Variants in GALNTL6 observed in about 807,000 individuals in gnomAD.
The protein encoded by GALNTL6 is polypeptide N-acetylgalactosaminyltransferase-like 6.
Under a neutral mutation model 73.7 loss-of-function variants are expected in GALNTL6, and 46 were observed. The observed-to-expected ratio is 0.62, with a 90% CI of 0.49 to 0.80. The LOEUF is 0.80. Among genes scored for constraint, GALNTL6 ranks in the 30% least tolerant of loss-of-function variants. The pLI, the probability that GALNTL6 is intolerant of heterozygous loss-of-function variation, is 0.00. For synonymous variants in GALNTL6, 259 were observed against 263.7 expected (o/e 0.98, Z 0.17); for missense variants, 604 against 755.0 (o/e 0.80, Z 2.34).
intron 5 of GALNTL6, among the ~76,000 whole-genome samples, chr4:172,652,285 G>T (rs1740510715): frequency 6.6e-6 from 1 of 152,194 alleles, no homozygotes; most frequent in African/African-American, 2.4e-5. Context: ...AAAGAACAGG[G>T]TGATTTAAAA....
chr4:172,000,108 G>T (rs770194899), intron 2 of GALNTL6, among the ~76,000 whole-genome samples: 10 of 152,092 alleles, frequency 6.6e-5, no homozygotes, highest in Non-Finnish European at 1.0e-4. Flanking sequence ...AAGAAAACAT[G>T]AAACAATATT....
At chr4:172,325,875 AAAAG>A (rs1271969027) in intron 4 of GALNTL6, among the ~76,000 whole-genome samples, 2 of 151,816 alleles carry the variant, frequency 1.3e-5, no homozygotes, top group African/African-American at 4.8e-5. Flanking sequence ...AAAGAAAACT[AAAAG>A]AAAACACTCC....
chr4:172,166,076 T>C (rs1242877120), intron 2 of GALNTL6, among the ~76,000 whole-genome samples: 2 of 152,208 alleles, frequency 1.3e-5, no homozygotes, highest in African/African-American at 4.8e-5. Context: ...ATTTTCCTTA[T>C]AAATGCAAAT....
chr4:172,065,362 C>T (rs1482462055), intron 2 of GALNTL6, among the ~76,000 whole-genome samples: 2 of 152,162 alleles, frequency 1.3e-5, no homozygotes, highest in African/African-American at 4.8e-5. Context: ...GCCCACTACT[C>T]ACCTTCTACT....
chr4:171,997,085 T>C (rs1217978544), intron 2 of GALNTL6, among the ~76,000 whole-genome samples: 1 of 152,122 alleles, frequency 6.6e-6, no homozygotes, highest in East Asian at 1.9e-4. Context: ...TGATTATCTC[T>C]TCAAGGAAAG....
intron 5 of GALNTL6, among the ~76,000 whole-genome samples, chr4:172,625,553 G>A (rs1180918828): frequency 6.6e-6 from 1 of 152,050 alleles, no homozygotes; most frequent in African/African-American, 2.4e-5. Context: ...TAATAAGATT[G>A]CTGGGTTAAA....
intron 7 of GALNTL6, among the ~76,000 whole-genome samples, chr4:172,814,738 A>T (rs566986945): frequency 5.9e-5 from 9 of 152,302 alleles, no homozygotes; most frequent in Non-Finnish European, 1.2e-4. Flanking sequence ...ATTACAATCA[A>T]CATTTCATAA....
intron 5 of GALNTL6, among the ~76,000 whole-genome samples, chr4:172,588,180 C>T (rs1737495238): frequency 1.3e-5 from 2 of 152,094 alleles, no homozygotes; most frequent in South Asian, 4.1e-4. Flanking sequence ...TGTCCACTTC[C>T]CCCTGAAAAA....
chr4:172,804,595 G>A (rs937179729), intron 5 of GALNTL6, among the ~76,000 whole-genome samples: 6 of 152,176 alleles, frequency 3.9e-5, no homozygotes, highest in Admixed American at 2.6e-4. Flanking sequence ...GCAGCGGTTG[G>A]CATGACCTTT....
chr4:171,831,678 G>A (rs962550909), intron 2 of GALNTL6, among the ~76,000 whole-genome samples: 1 of 151,760 alleles, frequency 6.6e-6, no homozygotes, highest in Non-Finnish European at 1.5e-5. Context: ...AGAGGGAGTT[G>A]TTTAAATTGG....
At chr4:172,645,808 T>G (rs1311852312) in intron 5 of GALNTL6, among the ~76,000 whole-genome samples, 1 of 151,972 alleles carries the variant, frequency 6.6e-6, no homozygotes, top group Non-Finnish European at 1.5e-5. Context: ...AAGGGTATGA[T>G]CTAATGCTAA....
Position 172,855,995 on chromosome 4 carries a change from A to G in GALNTL6, c.924-26795A>G, listed in dbSNP as rs372537291. Among the ~76,000 whole-genome samples the G allele has an allele frequency of 2.1e-4, 32 of 152,298 alleles. No individual in the cohort carries two copies. The East Asian group carries it at 2.3e-3, about 11-fold the overall frequency. On this transcript the variant is annotated intron_variant, in intron 7 of 12. Coordinates refer to ENST00000506823, the MANE Select transcript of GALNTL6 (RefSeq NM_001034845.3). The stretch of plus-strand genomic sequence containing the variant: ...TTCCTCCCGGTTGTCCAGGCCAACG[A>G]TCCACATTGTACTGCTTATGAAGGA...
At chr4:172,862,883 G>GA (rs1305798224) in intron 7 of GALNTL6, among the ~76,000 whole-genome samples, 5 of 152,158 alleles carry the variant, frequency 3.3e-5, no homozygotes, top group African/African-American at 7.2e-5. Flanking sequence ...AGCCTAGGAG[G>GA]AAAAAATGGT....
intron 4 of GALNTL6, among the ~76,000 whole-genome samples, chr4:172,328,731 A>C (rs879590257): frequency 1.3e-5 from 2 of 152,018 alleles, no homozygotes; most frequent in Admixed American, 6.6e-5. Flanking sequence ...GTGTTTTTTC[A>C]TACTGGGTGT....
Position 171,960,688 on chromosome 4 carries a change from TAAAA to T in GALNTL6, c.138+145989_138+145992del, listed in dbSNP as rs201299722. Among the ~76,000 whole-genome samples the T allele has an allele frequency of 2.7e-3, 345 of 129,478 alleles. 5 individuals are homozygous for T. The East Asian group carries it at 0.034, about 13-fold the overall frequency. 84.9% of individuals were successfully genotyped at this position (129,478 alleles called of 152,430 possible). A position where few individuals can be genotyped will look rare whatever the true frequency, so the allele number is the denominator to read the frequency against. ...ACTCAGAGAAATGACTGTCTTTATT[TAAAA>T]AAAAAAAAAAAAAAAAAAGTCAATG... On this transcript the variant is annotated intron_variant, in intron 2 of 12. Coordinates refer to ENST00000506823, the MANE Select transcript of GALNTL6 (RefSeq NM_001034845.3).
At chr4:172,899,059 G>T (rs1242781474) in intron 8 of GALNTL6, among the ~76,000 whole-genome samples, 3 of 152,134 alleles carry the variant, frequency 2.0e-5, no homozygotes, top group East Asian at 3.9e-4. Flanking sequence ...GACCCCTCTA[G>T]AGTTGTAAGC....
chr4:172,178,465 T>C (rs1468121624), intron 2 of GALNTL6, among the ~76,000 whole-genome samples: 1 of 152,042 alleles, frequency 6.6e-6, no homozygotes, highest in East Asian at 1.9e-4. Flanking sequence ...TTCCCCTCCC[T>C]GTGTGCATGT....
At chr4:171,898,171 A>G (rs1225738263) in intron 2 of GALNTL6, among the ~76,000 whole-genome samples, 5 of 152,238 alleles carry the variant, frequency 3.3e-5, no homozygotes, top group Admixed American at 2.0e-4. Context: ...TAAAGTTACA[A>G]TGACATACCC....
At chr4:172,978,420 A>T (rs1330131025) in intron 10 of GALNTL6, among the ~76,000 whole-genome samples, 1 of 152,170 alleles carries the variant, frequency 6.6e-6, no homozygotes, top group East Asian at 1.9e-4. Context: ...ACAGGATACT[A>T]AGTAAATCCT....
Sources: allele counts gnomAD v4.1 joint callset (sites outside exome capture counted in the v4.1 genomes callset), GRCh38; gene constraint gnomAD v4.1.1; transcripts MANE v1.5; gene names NCBI Gene and HGNC (gene_info 2026-07-23, HGNC 2026-07-21).